SYNDIG1L: variants seen among roughly 807,000 people sequenced by gnomAD.
SYNDIG1L encodes synapse differentiation-inducing gene protein 1-like.
Under a neutral mutation model 20.1 loss-of-function variants are expected in SYNDIG1L, and 13 were observed. The observed-to-expected ratio is 0.65, with a 90% CI of 0.42 to 1.03. SYNDIG1L has a LOEUF of 1.03. Ranked by LOEUF, SYNDIG1L falls within the 50% of genes least tolerant of loss-of-function variation. SYNDIG1L has a pLI of 0.00. For synonymous variants in SYNDIG1L, 128 were observed against 129.3 expected (o/e 0.99, Z 0.07); for missense variants, 294 against 305.1 (o/e 0.96, Z 0.27).
chr14:74,458,224 G>A, the SYNDIG1L span, among the ~76,000 whole-genome samples: 2 of 152,132 alleles, frequency 1.3e-5, no homozygotes, highest in Non-Finnish European at 2.9e-5. Flanking sequence ...AGTGTAGTCT[G>A]TATGTCAGGC....
chr14:74,479,840 A>T, the SYNDIG1L span: 1 of 385,024 alleles, frequency 2.6e-6, no homozygotes, highest in Non-Finnish European at 4.1e-6. Context: ...TGAAAAAGTC[A>T]TGTCTTCAGT....
the SYNDIG1L span, among the ~76,000 whole-genome samples, chr14:74,443,514 C>A: frequency 1.2e-4 from 19 of 152,092 alleles, no homozygotes; most frequent in Admixed American, 1.2e-3. Flanking sequence ...AGAGAAAGAC[C>A]AGGCAGTATC....
chr14:74,426,367 G>T (rs1363803015), upstream of SYNDIG1L, among the ~76,000 whole-genome samples: 1 of 151,622 alleles, frequency 6.6e-6, no homozygotes, highest in African/African-American at 2.4e-5. Flanking sequence ...AGTCGGGGGA[G>T]CCCGGAGGAG....
chr14:74,456,770 T>C, the SYNDIG1L span, among the ~76,000 whole-genome samples: 1 of 151,958 alleles, frequency 6.6e-6, no homozygotes. Context: ...GGGCTGGACG[T>C]ATGCAATAGG....
chr14:74,449,065 C>T, the SYNDIG1L span, among the ~76,000 whole-genome samples: 1 of 151,500 alleles, frequency 6.6e-6, no homozygotes, highest in African/African-American at 2.4e-5. Flanking sequence ...GATCTCGTCT[C>T]TATAAGAAAA....
the SYNDIG1L span, among the ~76,000 whole-genome samples, chr14:74,435,911 T>G: frequency 1.3e-5 from 2 of 152,120 alleles, no homozygotes; most frequent in Admixed American, 6.5e-5. Flanking sequence ...ATAGAGTGAG[T>G]GTGTCCAAGT....
At chr14:74,448,325 G>C in the SYNDIG1L span, among the ~76,000 whole-genome samples, 4 of 152,112 alleles carry the variant, frequency 2.6e-5, no homozygotes, top group Admixed American at 1.3e-4. Context: ...GATATACCAT[G>C]CTCCCATTAG....
intron 1 of SYNDIG1L, among the ~76,000 whole-genome samples, chr14:74,411,720 A>G (rs2086131942): frequency 6.6e-6 from 1 of 151,994 alleles, no homozygotes; most frequent in Non-Finnish European, 1.5e-5. Flanking sequence ...CCCCTGGCTG[A>G]CTTCCTAGGA....
At chr14:74,460,986 G>A in the SYNDIG1L span, among the ~76,000 whole-genome samples, 3 of 151,512 alleles carry the variant, frequency 2.0e-5, no homozygotes, top group Non-Finnish European at 2.9e-5. Flanking sequence ...CCTCATCTCC[G>A]TGGCCCCCTT....
At chr14:74,433,511 G>A in the SYNDIG1L span, among the ~76,000 whole-genome samples, 1 of 151,938 alleles carries the variant, frequency 6.6e-6, no homozygotes, top group African/African-American at 2.4e-5. Flanking sequence ...AGCCTCTCAA[G>A]TAGCTGAGAT....
chr14:74,435,272 A>G, the SYNDIG1L span, among the ~76,000 whole-genome samples: 169 of 152,246 alleles, frequency 1.1e-3, no homozygotes, highest in Middle Eastern at 0.01. Flanking sequence ...CAATCAGCCA[A>G]TACTGGGAGT....
At chr14:74,462,318 T>C in the SYNDIG1L span, among the ~76,000 whole-genome samples, 5 of 151,646 alleles carry the variant, frequency 3.3e-5, no homozygotes, top group African/African-American at 1.2e-4. Context: ...ACTCCGTCTG[T>C]ACTAAAAATA....
the SYNDIG1L span, among the ~76,000 whole-genome samples, chr14:74,464,435 C>T: frequency 6.6e-6 from 1 of 152,134 alleles, no homozygotes; most frequent in Non-Finnish European, 1.5e-5. Context: ...AACTATGTTT[C>T]ATTGATGGCT....
the SYNDIG1L span, among the ~76,000 whole-genome samples, chr14:74,467,692 G>GA: frequency 6.6e-6 from 1 of 152,234 alleles, no homozygotes; most frequent in South Asian, 2.1e-4. Flanking sequence ...AAAGGATGAG[G>GA]AGGGATTGGG....
chr14:74,442,077 A>G, the SYNDIG1L span, among the ~76,000 whole-genome samples: 2 of 152,142 alleles, frequency 1.3e-5, no homozygotes, highest in Non-Finnish European at 2.9e-5. Flanking sequence ...TTCATGATGT[A>G]ACGTGGGGTT....
the SYNDIG1L span, among the ~76,000 whole-genome samples, chr14:74,466,690 C>A: frequency 2.0e-5 from 3 of 152,160 alleles, no homozygotes; most frequent in Non-Finnish European, 4.4e-5. Flanking sequence ...GCTTCCATCA[C>A]GGCTGCTCAT....
At chr14:74,414,805 T>C (rs1319544616) in intron 1 of SYNDIG1L, among the ~76,000 whole-genome samples, 1 of 152,130 alleles carries the variant, frequency 6.6e-6, no homozygotes. Context: ...GGGCCTCCTT[T>C]TTCAGCTGGG....
At chr14:74,441,223 G>A in the SYNDIG1L span, among the ~76,000 whole-genome samples, 3 of 152,156 alleles carry the variant, frequency 2.0e-5, no homozygotes, top group Non-Finnish European at 4.4e-5. Flanking sequence ...CTGGAAAGTT[G>A]GAATAGGTGG....
intron 1 of SYNDIG1L, among the ~76,000 whole-genome samples, chr14:74,416,041 G>A (rs1288012166): frequency 6.6e-5 from 10 of 152,118 alleles, no homozygotes; most frequent in African/African-American, 2.2e-4. Flanking sequence ...TATAGCGACA[G>A]AAAGCAGATG....
Sources: allele counts gnomAD v4.1 joint callset (sites outside exome capture counted in the v4.1 genomes callset), GRCh38; gene constraint gnomAD v4.1.1; transcripts MANE v1.5; gene names NCBI Gene and HGNC (gene_info 2026-07-23, HGNC 2026-07-21).